Variants in RHOA observed in about 807,000 individuals in gnomAD.
The protein encoded by RHOA is ras homolog family member A.
A neutral mutation model predicts 17.5 loss-of-function variants in RHOA; 3 were observed. The ratio of observed to expected loss-of-function variants is 0.17; its 90% CI spans 0.08 to 0.44. The LOEUF (loss-of-function observed/expected upper bound fraction) is 0.44, where lower values mean the gene tolerates loss of function less well. Among genes scored for constraint, RHOA ranks in the 20% least tolerant of loss-of-function variants. The pLI is 0.99. For missense variants in RHOA, 56 were observed against 242.3 expected (o/e 0.23, Z 5.10); for synonymous variants, 98 against 88.4 (o/e 1.11, Z -0.61).
intron 3 of RHOA, 145 bp downstream of exon 3, chr3:49,368,283 A>C: frequency 9.9e-7 from 1 of 1,011,172 alleles, no homozygotes; most frequent in Non-Finnish European, 1.5e-6. Context: ...CCCACGCTCT[A>C]CAATCCCAAA....
intron 1 of RHOA, among the ~76,000 whole-genome samples, chr3:49,396,713 A>G (rs2048622291): frequency 6.6e-6 from 1 of 151,984 alleles, no homozygotes; most frequent in African/African-American, 2.4e-5. Flanking sequence ...ACACACAAAA[A>G]AAGTCAGGCC....
At chr3:49,388,129 C>T (rs913583072) in intron 1 of RHOA, among the ~76,000 whole-genome samples, 3 of 151,780 alleles carry the variant, frequency 2.0e-5, no homozygotes, top group Non-Finnish European at 4.4e-5. Context: ...ACCTCAGCTT[C>T]CCGAGTAGCT....
At chr3:49,403,241 G>A (rs1345517156) in intron 1 of RHOA, among the ~76,000 whole-genome samples, 2 of 151,168 alleles carry the variant, frequency 1.3e-5, no homozygotes, top group Non-Finnish European at 3.0e-5. Flanking sequence ...AGGAGGCTGA[G>A]GCAGGGGAAT....
rs368051392 is a variant in RHOA, at chr3:49,400,262, CT to C, written c.-3+11557del. On this transcript the variant is annotated intron_variant, in intron 1 of 4. Transcript: ENST00000418115. ...GAAACTACAGAAGCATACTGCCCCC[CT>C]CTCCCCCAACATCTTCCCTAGTCTA... Among the ~76,000 whole-genome samples, 585 of 151,070 alleles carry C rather than the reference CT, an allele frequency of 3.9e-3. 4 individuals are homozygous for C. Among genetic ancestry groups the C allele is most frequent in the African/African-American group, 0.014 (560 of 41,000 alleles).
At chr3:49,361,498 C>T (rs1219579408) in intron 4 of RHOA, among the ~76,000 whole-genome samples, 6 of 152,164 alleles carry the variant, frequency 3.9e-5, no homozygotes, top group Admixed American at 3.9e-4. Flanking sequence ...ATCTGGACTC[C>T]CAGCCTTCAA....
chr3:49,404,305 C>CAA (rs1159623387), intron 1 of RHOA, among the ~76,000 whole-genome samples: 1 of 6,724 alleles, frequency 1.5e-4, no homozygotes, highest in African/African-American at 1.7e-4. Flanking sequence ...CTTATCTCTC[C>CAA]AAAAAAAAGC....
At chr3:49,386,530 CTG>C (rs1358038055) in intron 1 of RHOA, among the ~76,000 whole-genome samples, 2 of 152,160 alleles carry the variant, frequency 1.3e-5, no homozygotes, top group African/African-American at 2.4e-5. Context: ...GAATTGGACA[CTG>C]AAGTAAATTA....
At chr3:49,371,495 G>C (rs56897974) in intron 2 of RHOA, among the ~76,000 whole-genome samples, 3,671 of 151,964 alleles carry the variant, frequency 0.024, 160 homozygotes, top group African/African-American at 0.085. Context: ...TGGGCAGGCT[G>C]GTCTCAAACT....
intron 3 of RHOA, among the ~76,000 whole-genome samples, chr3:49,365,928 G>C (rs887912355): frequency 2.0e-5 from 3 of 152,094 alleles, no homozygotes; most frequent in Admixed American, 1.3e-4. Context: ...AGCAGTGTGT[G>C]CCTGTAGTAC....
chr3:49,359,870 G>T lies in RHOA; in HGVS notation c.*339C>A. 1 of 289,912 alleles carries T rather than the reference G, an allele frequency of 3.4e-6. No individual in the cohort carries two copies. 18.0% of individuals were successfully genotyped at this position (289,912 alleles called of 1,614,324 possible). ...GACAGATAATAGGCAGGACATGTTA[G>T]TTATAAAGTAGTTACAGCCTAATTC... On this transcript the variant is annotated 3_prime_UTR_variant, in exon 5 of 5. Transcript: ENST00000418115.
chr3:49,402,317 G>A (rs1490263173), intron 1 of RHOA, among the ~76,000 whole-genome samples: 1 of 152,078 alleles, frequency 6.6e-6, no homozygotes, highest in East Asian at 1.9e-4. Context: ...ACCTCCCAGT[G>A]AGCTGGCTAA....
chr3:49,362,484 C>T lies in RHOA; in HGVS notation c.408+12G>A. 5 of 1,605,730 alleles carry T rather than the reference C, an allele frequency of 3.1e-6. No individual in the cohort carries two copies. Among genetic ancestry groups the T allele is most frequent in the Non-Finnish European group, 3.4e-6 (4 of 1,175,442 alleles). On this transcript the variant is annotated intron_variant, in intron 4 of 4. Transcript: ENST00000418115. ...CAAGAATACTACAAGACAGTCCTGCCCCAGATCATGCCTGCTTCATCTTGG... is the reference window on the plus strand; with the variant it reads ...CAAGAATACTACAAGACAGTCCTGCTCCAGATCATGCCTGCTTCATCTTGG...
chr3:49,362,350 A>C, intron 4 of RHOA, 146 bp downstream of exon 4: 1 of 739,642 alleles, frequency 1.4e-6, no homozygotes, highest in Non-Finnish European at 2.1e-6. Context: ...TGAAGATCCC[A>C]ATTAATGAGG....
intron 1 of RHOA, among the ~76,000 whole-genome samples, chr3:49,411,404 A>G (rs1485813657): frequency 1.3e-5 from 2 of 152,258 alleles, no homozygotes; most frequent in Non-Finnish European, 2.9e-5. Flanking sequence ...TGGAGTTGTA[A>G]AGAGTTTCTT....
At chr3:49,407,509 C>T (rs2048854484) in intron 1 of RHOA, among the ~76,000 whole-genome samples, 1 of 152,172 alleles carries the variant, frequency 6.6e-6, no homozygotes, top group African/African-American at 2.4e-5. Flanking sequence ...GCTGGGATTA[C>T]AGGCATCAGC....
intron 1 of RHOA, among the ~76,000 whole-genome samples, chr3:49,403,626 C>T (rs1372567572): frequency 2.0e-5 from 3 of 151,792 alleles, no homozygotes; most frequent in Non-Finnish European, 4.4e-5. Context: ...ACTCGGGAGG[C>T]TAAAGCAGAG....
intron 3 of RHOA, among the ~76,000 whole-genome samples, chr3:49,363,047 T>C (rs1035347590): frequency 6.6e-6 from 1 of 152,202 alleles, no homozygotes. Flanking sequence ...AGGGTCCACA[T>C]GTTCTTTTTC....
intron 1 of RHOA, among the ~76,000 whole-genome samples, chr3:49,385,231 T>A (rs1394748158): frequency 6.7e-6 from 1 of 149,994 alleles, no homozygotes; most frequent in African/African-American, 2.5e-5. Context: ...CTTTTTTTTT[T>A]TTTTTCTGAG....
At position 49,368,700 on chromosome 3, in the gene RHOA, C is replaced by G. The variant is rs879071039; in HGVS notation, c.157-152G>C. The G allele has an allele frequency of 1.8e-5, 9 of 491,590 alleles. No homozygotes were observed. The African/African-American group carries it at 2.3e-4, about 12-fold the overall frequency. The allele number at this position is 491,590 out of a possible 1,614,324, so 30.5% of individuals were successfully genotyped here. On this transcript the variant is annotated intron_variant, in intron 2 of 4. Transcript: ENST00000418115. ...AAACACAGGAGTATTTACATTTTTTCTTTTTTCTTTTTTTTTTTTTTTTTT... is the reference window on the plus strand; with the variant it reads ...AAACACAGGAGTATTTACATTTTTTGTTTTTTCTTTTTTTTTTTTTTTTTT...
Sources: allele counts gnomAD v4.1 joint callset (sites outside exome capture counted in the v4.1 genomes callset), GRCh38; gene constraint gnomAD v4.1.1; transcripts MANE v1.5; gene names NCBI Gene and HGNC (gene_info 2026-07-23, HGNC 2026-07-21).